DPYSL3: variants seen among roughly 807,000 people sequenced by gnomAD.
DPYSL3 encodes dihydropyrimidinase like 3.
A neutral mutation model predicts 66.1 loss-of-function variants in DPYSL3; 16 were observed. The observed-to-expected ratio is 0.24, with a 90% confidence interval of 0.16 to 0.37. DPYSL3 has a LOEUF of 0.37. Among genes scored for constraint, DPYSL3 ranks in the 10% least tolerant of loss-of-function variants. DPYSL3 has a pLI of 1.00. For missense variants in DPYSL3, 738 were observed against 916.2 expected, an observed-to-expected ratio of 0.81 and a Z score of 2.51; for synonymous variants, 338 against 345.1, an observed-to-expected ratio of 0.98 and a Z score of 0.23.
chr5:147,421,649 T>C (rs964006436), intron 2 of DPYSL3, among the ~76,000 whole-genome samples: 4 of 152,162 alleles, frequency 2.6e-5, no homozygotes, highest in African/African-American at 9.7e-5. Flanking sequence ...ATGGTACTGG[T>C]AGCAAAACAG....
intron 1 of DPYSL3, among the ~76,000 whole-genome samples, chr5:147,444,871 G>C (rs548789308): frequency 6.6e-6 from 1 of 151,670 alleles, no homozygotes; most frequent in Non-Finnish European, 1.5e-5. Flanking sequence ...CCCTAATAGG[G>C]AAACAAAAAG....
intron 1 of DPYSL3, among the ~76,000 whole-genome samples, chr5:147,478,352 A>C (rs1251695301): frequency 6.6e-6 from 1 of 152,234 alleles, no homozygotes; most frequent in Non-Finnish European, 1.5e-5. Flanking sequence ...TCAACAAAAA[A>C]ATCAGGGTTG....
rs1561794353 is a variant in DPYSL3, at chr5:147,453,723, G to A, written c.382-28760C>T. The A allele has an allele frequency of 7.6e-6, 10 of 1,316,278 alleles. No homozygotes were observed. The East Asian group carries it at 1.6e-4, about 21-fold the overall frequency. The allele number at this position is 1,316,278 out of a possible 1,614,324, so 81.5% of individuals were successfully genotyped here. A position where few individuals can be genotyped will look rare whatever the true frequency, so the allele number is the denominator to read the frequency against. ...GCTGGCCGCGCCGCCGCCTCCGCCC[G>A]CCTCCGCCCCCCTCCCGGGCTCCCG... On this transcript the variant is annotated intron_variant, in intron 1 of 13. Transcript: ENST00000343218.
rs1751956755 is a variant in DPYSL3 at position 147,415,869 on chromosome 5, G to A, written c.660C>T (p.Asp220=). The A allele has an allele frequency of 1.2e-6, 2 of 1,613,426 alleles. No individual in the cohort carries two copies. Among genetic ancestry groups the A allele is most frequent in the Middle Eastern group, 1.7e-4 (1 of 6,058 alleles). Residue 220 remains aspartate (D), a synonymous_variant, in exon 4 of 14, where the codon GAC becomes GAT. Transcript: ENST00000343218. ...TGGACTCAGGCTCAGGCACCACATG[G>A]TCAACTGAATGACAGAGACCCCAGA... The part of the protein sequence containing the change: ...ALAGGTTMII[D]HVVPEPESSL...
At chr5:147,415,074 T>C (rs1361074953) in intron 4 of DPYSL3, among the ~76,000 whole-genome samples, 2 of 152,040 alleles carry the variant, frequency 1.3e-5, no homozygotes, top group African/African-American at 4.8e-5. Flanking sequence ...AAGCAGAGAA[T>C]GGAGGAATCT....
chr5:147,432,355 C>G (rs779447255), intron 1 of DPYSL3, among the ~76,000 whole-genome samples: 2 of 152,172 alleles, frequency 1.3e-5, no homozygotes, highest in Non-Finnish European at 2.9e-5. Context: ...AGTGGCTGCT[C>G]TGTTGTCTGA....
intron 1 of DPYSL3, among the ~76,000 whole-genome samples, chr5:147,434,095 T>A (rs769677365): frequency 6.6e-6 from 1 of 152,054 alleles, no homozygotes; most frequent in East Asian, 1.9e-4. Flanking sequence ...ACCACCTTGC[T>A]ACAACTTCTA....
At chr5:147,408,900 T>A in intron 6 of DPYSL3, 104 bp from the exon 7 acceptor site, 1 of 1,111,018 alleles carries the variant, frequency 9.0e-7, no homozygotes, top group Admixed American at 2.0e-5. Flanking sequence ...AATATGCGTA[T>A]GTTGAACAGA....
At chr5:147,416,034 T>C (rs904369349) in intron 3 of DPYSL3, among the ~76,000 whole-genome samples, 161 bp from the exon 4 acceptor site, 1 of 152,164 alleles carries the variant, frequency 6.6e-6, no homozygotes, top group African/African-American at 2.4e-5. Flanking sequence ...AGAATGCTGA[T>C]CACTTAAATG....
At chr5:147,494,527 G>C (rs1753468786) in intron 1 of DPYSL3, among the ~76,000 whole-genome samples, 1 of 151,710 alleles carries the variant, frequency 6.6e-6, no homozygotes, top group Non-Finnish European at 1.5e-5. Flanking sequence ...ACTAATATCA[G>C]AAATGAAATA....
In DPYSL3 at chr5:147,394,124, C is replaced by G. The variant is rs1013612428; in HGVS notation, c.1967-1G>C. Reference sequence around the variant, plus strand: ...CGAACCCCCTCATCCACTTGGGTGCCTACAGTTGGAAATAAATTCCCAGGG... The same window carrying G: ...CGAACCCCCTCATCCACTTGGGTGCGTACAGTTGGAAATAAATTCCCAGGG... On this transcript the variant is annotated splice_acceptor_variant, in intron 13 of 13. Transcript: ENST00000343218. LOFTEE classifies it high-confidence loss of function. 1.2e-6 allele frequency: 2 copies of G among 1,613,858 alleles called. No individual in the cohort carries two copies. Among genetic ancestry groups the G allele is most frequent in the Non-Finnish European group, 1.7e-6 (2 of 1,179,974 alleles).
At chr5:147,445,561 T>G (rs1752615151) in intron 1 of DPYSL3, among the ~76,000 whole-genome samples, 1 of 152,124 alleles carries the variant, frequency 6.6e-6, no homozygotes, top group Non-Finnish European at 1.5e-5. Flanking sequence ...GGAGATTCAG[T>G]GGTAACAAAA....
At chr5:147,396,059 C>G (rs2152014638) in intron 12 of DPYSL3, among the ~76,000 whole-genome samples, 1 of 152,112 alleles carries the variant, frequency 6.6e-6, no homozygotes, top group East Asian at 1.9e-4. Flanking sequence ...AAGAGAAGAG[C>G]AAGGGCAGAC....
Position 147,393,725 on chromosome 5 carries a change from T to C in DPYSL3, c.*310A>G, listed in dbSNP as rs899635801. 1.7e-5 allele frequency: 5 copies of C among 286,188 alleles called. No individual in the cohort carries two copies. Among genetic ancestry groups the C allele is most frequent in the East Asian group, 7.3e-5 (1 of 13,720 alleles). The allele number at this position is 286,188 out of a possible 1,614,324, so 17.7% of individuals were successfully genotyped here. A position where few individuals can be genotyped will look rare whatever the true frequency, so the allele number is the denominator to read the frequency against. On this transcript the variant is annotated 3_prime_UTR_variant, in exon 14 of 14. Coordinates refer to ENST00000343218, the MANE Select transcript of DPYSL3 (RefSeq NM_001197294.2). Reference sequence around the variant, plus strand: ...GCTTGTCTGTCCCCTTGTCATAAGATGCAGCACTACACACGCTCTCAACAC... The same window carrying C: ...GCTTGTCTGTCCCCTTGTCATAAGACGCAGCACTACACACGCTCTCAACAC...
In DPYSL3 at chr5:147,400,683, A is replaced by G. The variant is rs750449334; in HGVS notation, c.1452+9T>C. The G allele has an allele frequency of 6.2e-7, 1 of 1,613,702 alleles. No individual in the cohort carries two copies. The highest frequency in any genetic ancestry group is 8.5e-7 in the Non-Finnish European group (1 of 1,179,760). On this transcript the variant is annotated intron_variant, in intron 10 of 13. Transcript: ENST00000343218. Reference sequence around the variant, plus strand: ...CTCTGGCCACCCTCCCATGACCTCCATGCCTTACCACAGCCTTGTCCCAGA... The same window carrying G: ...CTCTGGCCACCCTCCCATGACCTCCGTGCCTTACCACAGCCTTGTCCCAGA...
At chr5:147,447,023 T>G (rs1752642052) in intron 1 of DPYSL3, among the ~76,000 whole-genome samples, 1 of 152,204 alleles carries the variant, frequency 6.6e-6, no homozygotes, top group African/African-American at 2.4e-5. Context: ...GATCTTGCTT[T>G]TTCAGCTCTG....
intron 3 of DPYSL3, among the ~76,000 whole-genome samples, chr5:147,416,975 T>C (rs917024671): frequency 6.6e-6 from 1 of 152,226 alleles, no homozygotes. Context: ...ATACATATAC[T>C]GTGATCCTAG....
At chr5:147,413,970 T>TCTAA (rs1751911706) in intron 4 of DPYSL3, among the ~76,000 whole-genome samples, 1 of 152,274 alleles carries the variant, frequency 6.6e-6, no homozygotes, top group African/African-American at 2.4e-5. Flanking sequence ...CAGTAGTAGG[T>TCTAA]GGCATTAAGA....
intron 1 of DPYSL3, among the ~76,000 whole-genome samples, chr5:147,474,205 G>A (rs1753123882): frequency 6.6e-6 from 1 of 152,004 alleles, no homozygotes; most frequent in South Asian, 2.1e-4. Flanking sequence ...GTGCATCATA[G>A]GGGAACAGTA....
Sources: gnomAD v4.1 joint callset for allele counts (sites outside exome capture counted in the v4.1 genomes callset) on GRCh38, gnomAD v4.1.1 for gene constraint, MANE v1.5 for transcripts, NCBI Gene and HGNC (gene_info 2026-07-23, HGNC 2026-07-21) for gene names.